TRMT11: variants seen among roughly 807,000 people sequenced by gnomAD.
The protein encoded by TRMT11 is tRNA (guanine(10)-N(2))-methyltransferase TRMT11.
Under a neutral mutation model 62.8 loss-of-function variants are expected in TRMT11, and 53 were observed. The observed-to-expected ratio is 0.84, with a 90% CI of 0.68 to 1.06. The LOEUF (loss-of-function observed/expected upper bound fraction) is 1.06. TRMT11 is among the 50% of genes least tolerant of loss of function. The pLI is 0.00. For synonymous variants in TRMT11, 188 were observed against 190.3 expected (o/e 0.99, Z 0.10); for missense variants, 556 against 553.4 (o/e 1.00, Z -0.05).
chr6:126,228,822 G>A, the TRMT11 span, among the ~76,000 whole-genome samples: 2 of 152,182 alleles, frequency 1.3e-5, no homozygotes, highest in Non-Finnish European at 2.9e-5. Flanking sequence ...CAGTTAAAGG[G>A]ATTGCATAGG....
At chr6:126,175,731 A>G (rs964604242), upstream of TRMT11, among the ~76,000 whole-genome samples, 5 of 152,206 alleles carry the variant, frequency 3.3e-5, no homozygotes, top group African/African-American at 9.6e-5. Flanking sequence ...TCATCAACTC[A>G]TATATCTTTA....
the TRMT11 span, among the ~76,000 whole-genome samples, chr6:126,269,044 G>A: frequency 2.6e-5 from 4 of 151,424 alleles, no homozygotes; most frequent in Admixed American, 1.3e-4. Context: ...GGCGGATCAC[G>A]AGGTCAGGAG....
the TRMT11 span, among the ~76,000 whole-genome samples, chr6:126,244,643 A>G: frequency 6.6e-6 from 1 of 152,220 alleles, no homozygotes. Context: ...TATATTCTAG[A>G]ATAGAATCCA....
At chr6:126,235,709 G>C in the TRMT11 span, among the ~76,000 whole-genome samples, 1 of 152,166 alleles carries the variant, frequency 6.6e-6, no homozygotes, top group East Asian at 1.9e-4. Context: ...GGAGGATGGG[G>C]ATTGGGAGGG....
intron 16 of TRMT11, among the ~76,000 whole-genome samples, chr6:126,047,371 G>T (rs935397933): frequency 6.6e-6 from 1 of 151,694 alleles, no homozygotes; most frequent in South Asian, 2.1e-4. Context: ...AACATCAAGA[G>T]GAGTTTGGCT....
At chr6:126,102,114 T>C (rs1344091221) in intron 17 of TRMT11, among the ~76,000 whole-genome samples, 1 of 152,170 alleles carries the variant, frequency 6.6e-6, no homozygotes, top group Non-Finnish European at 1.5e-5. Context: ...CTTGCAAACA[T>C]ACAAATGAAT....
At chr6:126,270,404 GT>G in the TRMT11 span, among the ~76,000 whole-genome samples, 1 of 152,108 alleles carries the variant, frequency 6.6e-6, no homozygotes, top group Non-Finnish European at 1.5e-5. Context: ...TGACTTCAGG[GT>G]TTCTAACGAA....
chr6:126,108,881 A>G (rs1777495070), intron 17 of TRMT11, among the ~76,000 whole-genome samples: 1 of 152,118 alleles, frequency 6.6e-6, no homozygotes. Context: ...CCCTTCTGAT[A>G]CCTGAAAAGG....
downstream of TRMT11, among the ~76,000 whole-genome samples, chr6:126,202,691 A>ATT (rs143877243): frequency 0.097 from 14,793 of 152,256 alleles, 964 homozygotes; most frequent in Non-Finnish European, 0.15. Context: ...AACTTTAAAA[A>ATT]TTAAAGTTTA....
At chr6:126,097,641 C>T (rs1424770252) in intron 17 of TRMT11, among the ~76,000 whole-genome samples, 1 of 151,626 alleles carries the variant, frequency 6.6e-6, no homozygotes, top group Non-Finnish European at 1.5e-5. Flanking sequence ...CTCGTGTTCT[C>T]AAACTGTTTA....
chr6:126,191,298 T>C (rs1392496805), intron 1 of TRMT11, among the ~76,000 whole-genome samples: 1 of 152,096 alleles, frequency 6.6e-6, no homozygotes, highest in Non-Finnish European at 1.5e-5. Flanking sequence ...ACTAGTTTTT[T>C]TTCTTTTTAG....
At chr6:126,123,143 A>G (rs1209218337) in intron 21 of TRMT11, among the ~76,000 whole-genome samples, 1 of 152,130 alleles carries the variant, frequency 6.6e-6, no homozygotes, top group East Asian at 1.9e-4. Flanking sequence ...GCTAATGTCT[A>G]ACAAGCACTT....
rs1794462578 is a variant in TRMT11, at chr6:126,013,032, T to G, written c.1070T>G (p.Leu357Ter). 1.2e-6 allele frequency: 2 copies of G among 1,613,880 alleles called. No individual in the cohort carries two copies. The highest frequency in any genetic ancestry group is 1.3e-5 in the African/African-American group (1 of 74,890). ...CTGAGTGATATGTTTCTTGACCTGT[T>G]AAACTTCGCAGCTGAGACCCTCGTT... ...YHLSDMFLDLLNFAAETLVLG... is the reference protein window; with the variant it reads ...YHLSDMFLDL Residue 357 changes from leucine (L) to a stop codon, truncating the protein, a stop_gained, in exon 11 of 13, where the codon TTA becomes TGA. Transcript: ENST00000334379. LOFTEE classifies it high-confidence loss of function.
At chr6:126,136,674 A>G (rs1777853569) in intron 21 of TRMT11, among the ~76,000 whole-genome samples, 1 of 151,930 alleles carries the variant, frequency 6.6e-6, no homozygotes. Context: ...TGGCACAGCT[A>G]AGGCAATCCT....
At chr6:126,166,512 G>A (rs183697736) in intron 21 of TRMT11, among the ~76,000 whole-genome samples, 6 of 152,098 alleles carry the variant, frequency 3.9e-5, no homozygotes, top group Admixed American at 1.3e-4. Flanking sequence ...TGGAAGCTTC[G>A]TCCCAGAGGG....
chr6:126,078,878 A>G (rs1157922932), intron 17 of TRMT11, among the ~76,000 whole-genome samples: 14 of 152,170 alleles, frequency 9.2e-5, no homozygotes, highest in African/African-American at 2.4e-5. Flanking sequence ...GATAATAGTA[A>G]CAGCGAATAT....
the TRMT11 span, chr6:126,258,137 C>T: frequency 1.3e-6 from 1 of 799,130 alleles, no homozygotes; most frequent in Admixed American, 1.7e-5. Flanking sequence ...TCAGCTGCTC[C>T]ATGATCCACT....
At chr6:126,165,990 C>CT (rs1285118712) in intron 21 of TRMT11, among the ~76,000 whole-genome samples, 4 of 152,016 alleles carry the variant, frequency 2.6e-5, no homozygotes, top group African/African-American at 9.7e-5. Context: ...CCTTTTAATT[C>CT]TTTTTTCTCT....
intron 17 of TRMT11, among the ~76,000 whole-genome samples, chr6:126,087,912 T>A (rs1197064811): frequency 1.3e-5 from 2 of 152,206 alleles, no homozygotes; most frequent in East Asian, 3.8e-4. Flanking sequence ...TCTCCTGACC[T>A]CCTTAAGAGC....
Sources: allele counts gnomAD v4.1 joint callset (sites outside exome capture counted in the v4.1 genomes callset), GRCh38; gene constraint gnomAD v4.1.1; transcripts MANE v1.5; gene names NCBI Gene and HGNC (gene_info 2026-07-23, HGNC 2026-07-21).